The following AKAIN1 variants were observed in gnomAD, a reference collection of about 807,000 sequenced individuals.
AKAIN1 encodes A-kinase anchor inhibitor 1.
Under a neutral mutation model 3.7 loss-of-function variants are expected in AKAIN1, and 3 were observed. The observed-to-expected ratio is 0.82, with a 90% CI of 0.37 to 2.12. The LOEUF (loss-of-function observed/expected upper bound fraction) is 2.12, where lower values mean the gene tolerates loss of function less well. Ranked by LOEUF, AKAIN1 falls within the 30% of genes most tolerant of loss-of-function variation. The probability of loss-of-function intolerance (pLI) is 0.06; values close to 1 mark genes in which losing one functional copy is unlikely to be tolerated. For missense variants in AKAIN1, 82 were observed against 82.7 expected, an observed-to-expected ratio of 0.99 and a Z score of 0.03; for synonymous variants, 31 against 30.8, an observed-to-expected ratio of 1.01 and a Z score of -0.02.
At chr18:5,183,559 C>T (rs939675446) in intron 1 of AKAIN1, among the ~76,000 whole-genome samples, 1 of 151,146 alleles carries the variant, frequency 6.6e-6, no homozygotes, top group Non-Finnish European at 1.5e-5. Flanking sequence ...AAACTGTATG[C>T]AGTTGATTTA....
Position 5,144,005 on chromosome 18 carries a change from G to T in AKAIN1, c.*1557C>A, listed in dbSNP as rs979038305. 1.3e-5 allele frequency among the ~76,000 whole-genome samples: 2 copies of T among 152,012 alleles called. No homozygotes were observed. The highest frequency in any genetic ancestry group is 2.4e-5 in the African/African-American group (1 of 41,368). On this transcript the variant is annotated 3_prime_UTR_variant, in exon 2 of 2. Transcript: ENST00000434239. Reference sequence around the variant, plus strand: ...TATCACATCAGTTATATGACTTTTGGTCGACTTAAACTCACTCTTCACTTG... The same window carrying T: ...TATCACATCAGTTATATGACTTTTGTTCGACTTAAACTCACTCTTCACTTG...
chr18:5,155,036 G>C (rs1436503984), intron 1 of AKAIN1, among the ~76,000 whole-genome samples: 16 of 152,038 alleles, frequency 1.1e-4, no homozygotes, highest in Admixed American at 1.0e-3. Context: ...AAGCCTAACG[G>C]GGTTGGCGAA....
intron 1 of AKAIN1, among the ~76,000 whole-genome samples, chr18:5,192,940 G>T (rs952087706): frequency 1.6e-4 from 24 of 152,112 alleles, no homozygotes; most frequent in Non-Finnish European, 5.9e-5. Context: ...TTTTCTGTAT[G>T]TTAATTTTTA....
At position 5,145,676 on chromosome 18, in the gene AKAIN1, T is replaced by C; in HGVS notation, c.96A>G (p.Gln32=). The part of the protein sequence containing the change: ...SKQIVQNAIL[Q]AVQQVSQESQ... The stretch of plus-strand genomic sequence containing the variant: ...TCTCCTGGGAGACTTGCTGCACAGC[T>C]TGCAGGATTGCATTCTGCACAATCT... The change falls in exon 2 of 2, where the codon CAA becomes CAG. Residue 32 remains glutamine (Q), a synonymous_variant. Coordinates refer to ENST00000434239, the MANE Select transcript of AKAIN1 (RefSeq NM_001145194.2). 1 of 1,551,568 alleles carries C rather than the reference T, an allele frequency of 6.4e-7. No individual in the cohort carries two copies.
intron 1 of AKAIN1, among the ~76,000 whole-genome samples, chr18:5,163,133 G>A (rs988157081): frequency 6.6e-6 from 1 of 152,010 alleles, no homozygotes; most frequent in African/African-American, 2.4e-5. Flanking sequence ...AAATTTGGTA[G>A]CTAAGTGACT....
chr18:5,160,707 A>G (rs2071134357), intron 1 of AKAIN1, among the ~76,000 whole-genome samples: 1 of 152,030 alleles, frequency 6.6e-6, no homozygotes. Flanking sequence ...TGGTACTTTA[A>G]TCCAGTTGGA....
chr18:5,162,600 A>G (rs1486747541), intron 1 of AKAIN1, among the ~76,000 whole-genome samples: 3 of 149,292 alleles, frequency 2.0e-5, no homozygotes, highest in Non-Finnish European at 4.4e-5. Flanking sequence ...AAATATTCAA[A>G]CTCTATGAAG....
At chr18:5,167,475 G>T (rs2071173706) in intron 1 of AKAIN1, among the ~76,000 whole-genome samples, 1 of 152,064 alleles carries the variant, frequency 6.6e-6, no homozygotes, top group South Asian at 2.1e-4. Flanking sequence ...ATGAATGAAG[G>T]AGGAGTTACT....
At chr18:5,169,652 G>A (rs2071186398) in intron 1 of AKAIN1, among the ~76,000 whole-genome samples, 1 of 152,130 alleles carries the variant, frequency 6.6e-6, no homozygotes, top group African/African-American at 2.4e-5. Flanking sequence ...GGCAGCCTCA[G>A]TCTCCTCTGA....
chr18:5,155,568 T>A (rs2071103247), intron 1 of AKAIN1, among the ~76,000 whole-genome samples: 1 of 152,156 alleles, frequency 6.6e-6, no homozygotes, highest in South Asian at 2.1e-4. Flanking sequence ...TAGCCCTCTA[T>A]GAGAAACAAG....
chr18:5,166,031 G>A (rs2143339055), intron 1 of AKAIN1, among the ~76,000 whole-genome samples: 1 of 152,056 alleles, frequency 6.6e-6, no homozygotes, highest in South Asian at 2.1e-4. Flanking sequence ...TTTCTAAAAT[G>A]TGCTACACAT....
chr18:5,157,162 G>A (rs764880469), intron 1 of AKAIN1, among the ~76,000 whole-genome samples: 15 of 152,056 alleles, frequency 9.9e-5, no homozygotes, highest in Non-Finnish European at 1.9e-4. Context: ...TCAGAATATT[G>A]TTTGGAGTCA....
chr18:5,194,653 C>T (rs1035321983), intron 1 of AKAIN1, among the ~76,000 whole-genome samples: 2 of 152,098 alleles, frequency 1.3e-5, no homozygotes, highest in Non-Finnish European at 2.9e-5. Context: ...GGGTTCTTGC[C>T]CTCCTGTGCT....
intron 1 of AKAIN1, among the ~76,000 whole-genome samples, chr18:5,176,027 A>G (rs1377706713): frequency 1.3e-5 from 2 of 152,112 alleles, no homozygotes; most frequent in Non-Finnish European, 2.9e-5. Flanking sequence ...CTTAGTCATG[A>G]CAAGGGAAAA....
chr18:5,192,389 C>CTTTCTTTCTTTCTTTCTT (rs2071324137), intron 1 of AKAIN1, among the ~76,000 whole-genome samples: 5 of 82,052 alleles, frequency 6.1e-5, no homozygotes, highest in Admixed American at 2.3e-4. Flanking sequence ...AGCTAATTTT[C>CTTTCTTTCTTTCTTTCTT]TTTCTTTCTT....
At chr18:5,158,857 T>C (rs1452080484) in intron 1 of AKAIN1, among the ~76,000 whole-genome samples, 1 of 152,216 alleles carries the variant, frequency 6.6e-6, no homozygotes, top group Non-Finnish European at 1.5e-5. Flanking sequence ...TGAGTTCACC[T>C]GAACAAGCCT....
At chr18:5,179,946 C>T (rs1453167126) in intron 1 of AKAIN1, among the ~76,000 whole-genome samples, 3 of 152,154 alleles carry the variant, frequency 2.0e-5, no homozygotes, top group Non-Finnish European at 4.4e-5. Context: ...TCCCACACTC[C>T]AGCACTCACA....
At chr18:5,147,797 A>G (rs940504607) in intron 1 of AKAIN1, among the ~76,000 whole-genome samples, 1 of 152,116 alleles carries the variant, frequency 6.6e-6, no homozygotes, top group African/African-American at 2.4e-5. Flanking sequence ...AAAATGATCA[A>G]TCTACACCAA....
At chr18:5,176,172 C>T (rs929908403) in intron 1 of AKAIN1, among the ~76,000 whole-genome samples, 2 of 152,122 alleles carry the variant, frequency 1.3e-5, no homozygotes, top group African/African-American at 4.8e-5. Context: ...GGCACGGTGG[C>T]TCACGCATGT....
Sources: gnomAD v4.1 joint callset for allele counts (sites outside exome capture counted in the v4.1 genomes callset) on GRCh38, gnomAD v4.1.1 for gene constraint, MANE v1.5 for transcripts, NCBI Gene and HGNC (gene_info 2026-07-23, HGNC 2026-07-21) for gene names.